CACNB4: variants seen among roughly 807,000 people sequenced by gnomAD.
CACNB4 encodes calcium voltage-gated channel auxiliary subunit beta 4.
CACNB4 carries 32 observed loss-of-function variants against 71.2 expected under a neutral mutation model. That is an observed-to-expected ratio of 0.45 (90% CI 0.34 to 0.60). The LOEUF (loss-of-function observed/expected upper bound fraction) is 0.60, where lower values mean the gene tolerates loss of function less well. Among genes scored for constraint, CACNB4 ranks in the 20% least tolerant of loss-of-function variants. The pLI, the probability that CACNB4 is intolerant of heterozygous loss-of-function variation, is 0.01. For synonymous variants in CACNB4, 231 were observed against 236.9 expected, an observed-to-expected ratio of 0.97 and a Z score of 0.23; for missense variants, 464 against 647.9, an observed-to-expected ratio of 0.72 and a Z score of 3.08.
chr2:152,049,196 A>G (rs1235909838), intron 2 of CACNB4, among the ~76,000 whole-genome samples: 3 of 146,136 alleles, frequency 2.1e-5, no homozygotes, highest in African/African-American at 7.7e-5. Flanking sequence ...TTTGAGTCTC[A>G]CTCTGTTGCC....
At chr2:151,965,057 T>C (rs1245394467) in intron 2 of CACNB4, among the ~76,000 whole-genome samples, 3 of 152,236 alleles carry the variant, frequency 2.0e-5, no homozygotes, top group Non-Finnish European at 2.9e-5. Context: ...TTCTATCACT[T>C]GGATCAATAG....
At chr2:151,882,835 CGA>C (rs2099848291) in intron 3 of CACNB4, among the ~76,000 whole-genome samples, 1 of 152,114 alleles carries the variant, frequency 6.6e-6, no homozygotes, top group Non-Finnish European at 1.5e-5. Flanking sequence ...ATACTGAAAG[CGA>C]GAGAGAAGAG....
rs568880196 is a variant in CACNB4, at chr2:151,973,742, T to G, written c.148-90372A>C. 5.0e-6 allele frequency: 8 copies of G among 1,610,058 alleles called. No individual in the cohort carries two copies. In the African/African-American group the frequency reaches 8.0e-5, roughly 16 times the overall value. On this transcript the variant is annotated intron_variant, in intron 2 of 13. Coordinates refer to ENST00000539935, the MANE Select transcript of CACNB4 (RefSeq NM_000726.5). ...GGTGTGATAATCCAGAGCACCTCTT[T>G]CAAGGCAAAAACAAAATTGCTGCAG...
At position 151,905,978 on chromosome 2, in the gene CACNB4, C is replaced by G. The variant is rs2099854716; in HGVS notation, c.148-22608G>C. Among the ~76,000 whole-genome samples the G allele has an allele frequency of 2.0e-5, 3 of 152,212 alleles. No individual in the cohort carries two copies. The South Asian group carries it at 6.2e-4, about 32-fold the overall frequency. Reference sequence around the variant, plus strand: ...GTGTTTAGTCAAAACTCTAAGTTAGCTAGAGTTCCTTCTAGCTCTGTATAA... The same window carrying G: ...GTGTTTAGTCAAAACTCTAAGTTAGGTAGAGTTCCTTCTAGCTCTGTATAA... On this transcript the variant is annotated intron_variant, in intron 2 of 13. Transcript: ENST00000539935.
At chr2:151,902,954 AG>A (rs1462726396) in intron 2 of CACNB4, among the ~76,000 whole-genome samples, 5 of 152,188 alleles carry the variant, frequency 3.3e-5, no homozygotes, top group African/African-American at 1.2e-4. Flanking sequence ...GTTTTCAGAC[AG>A]GAAGTTTTCA....
chr2:152,099,161 G>C (rs1001593480), upstream of CACNB4: 3 of 526,036 alleles, frequency 5.7e-6, no homozygotes, highest in African/African-American at 4.1e-5. Context: ...CCCGCACTTC[G>C]GAGAGCGCGG....
chr2:151,838,927 C>T lies in CACNB4; in HGVS notation c.*192G>A, dbSNP rs1294550460. 1.9e-5 allele frequency: 9 copies of T among 480,898 alleles called. No individual in the cohort carries two copies. The highest frequency in any genetic ancestry group is 3.1e-5 in the East Asian group (1 of 32,612). 29.8% of individuals were successfully genotyped at this position (480,898 alleles called of 1,614,324 possible). A position where few individuals can be genotyped will look rare whatever the true frequency, so the allele number is the denominator to read the frequency against. On this transcript the variant is annotated 3_prime_UTR_variant, in exon 14 of 14. Transcript: ENST00000539935. ...TTGCACTTAAAAATATCTATATGAT[C>T]GGGCATCTAATATCCATCTAGACTC...
chr2:151,868,428 A>T (rs2099843737), intron 9 of CACNB4: 1 of 152,278 alleles, frequency 6.6e-6, no homozygotes, highest in South Asian at 2.1e-4. Flanking sequence ...TGCATTCAGC[A>T]CTGTGAAAGA....
chr2:151,950,044 A>G (rs1379028547), intron 2 of CACNB4, among the ~76,000 whole-genome samples: 1 of 152,094 alleles, frequency 6.6e-6, no homozygotes, highest in Non-Finnish European at 1.5e-5. Flanking sequence ...CATCTCAAAA[A>G]ATAAATAAAT....
intron 2 of CACNB4, among the ~76,000 whole-genome samples, chr2:151,965,310 T>A (rs976534777): frequency 6.6e-5 from 10 of 152,242 alleles, no homozygotes; most frequent in African/African-American, 2.4e-4. Flanking sequence ...AAGTCAGGAC[T>A]GACTTTTTCT....
At chr2:152,048,361 C>T (rs2105279289) in intron 2 of CACNB4, among the ~76,000 whole-genome samples, 1 of 152,262 alleles carries the variant, frequency 6.6e-6, no homozygotes, top group Non-Finnish European at 1.5e-5. Context: ...TTCACCCATC[C>T]CCACCTGCGC....
At chr2:152,075,842 G>A (rs749839355) in intron 2 of CACNB4, among the ~76,000 whole-genome samples, 6 of 152,208 alleles carry the variant, frequency 3.9e-5, no homozygotes, top group Non-Finnish European at 8.8e-5. Flanking sequence ...ATTAAGAGCT[G>A]AGGCCAAAGT....
At chr2:151,907,348 A>G (rs1334149073) in intron 2 of CACNB4, among the ~76,000 whole-genome samples, 1 of 152,234 alleles carries the variant, frequency 6.6e-6, no homozygotes, top group Non-Finnish European at 1.5e-5. Flanking sequence ...AGAGGTGAAT[A>G]ACCCAAATTA....
intron 12 of CACNB4, among the ~76,000 whole-genome samples, chr2:151,849,578 T>A (rs1201350387): frequency 6.6e-6 from 1 of 152,090 alleles, no homozygotes; most frequent in Non-Finnish European, 1.5e-5. Flanking sequence ...CCCAGCTCTT[T>A]GTGAGTATTT....
chr2:151,994,924 A>G (rs1035722111), intron 2 of CACNB4, among the ~76,000 whole-genome samples: 7 of 152,154 alleles, frequency 4.6e-5, no homozygotes, highest in African/African-American at 1.4e-4. Context: ...GTGAGCCACC[A>G]TATCTAGCTG....
At chr2:151,973,749 A>G (rs1290473731) in intron 2 of CACNB4, 1 of 1,607,814 alleles carries the variant, frequency 6.2e-7, no homozygotes, top group Non-Finnish European at 8.5e-7. Flanking sequence ...CTTTCAAGGC[A>G]AAAACAAAAT....
intron 2 of CACNB4, among the ~76,000 whole-genome samples, chr2:151,965,548 A>T (rs1227458604): frequency 2.0e-5 from 3 of 152,224 alleles, no homozygotes; most frequent in African/African-American, 7.2e-5. Flanking sequence ...ACTGAACAAC[A>T]AATATTCTTG....
intron 2 of CACNB4, among the ~76,000 whole-genome samples, chr2:152,013,650 C>T (rs980302126): frequency 6.6e-6 from 1 of 152,068 alleles, no homozygotes; most frequent in Non-Finnish European, 1.5e-5. Flanking sequence ...AAGGACCCTT[C>T]CCCCAGGATA....
At chr2:152,016,648 T>C (rs924072226) in intron 2 of CACNB4, among the ~76,000 whole-genome samples, 4 of 152,246 alleles carry the variant, frequency 2.6e-5, no homozygotes, top group African/African-American at 4.8e-5. Flanking sequence ...AGTCACGTTA[T>C]CTGAAGCCAG....
Sources: gnomAD v4.1 joint callset for allele counts (sites outside exome capture counted in the v4.1 genomes callset) on GRCh38, gnomAD v4.1.1 for gene constraint, MANE v1.5 for transcripts, NCBI Gene and HGNC (gene_info 2026-07-23, HGNC 2026-07-21) for gene names.